The following ATP5F1A variants were observed in gnomAD, a reference collection of about 807,000 sequenced individuals.
ATP5F1A encodes the protein ATP synthase F1 subunit alpha.
A neutral mutation model predicts 57.4 loss-of-function variants in ATP5F1A; 24 were observed. That is an observed-to-expected ratio of 0.42 (90% CI 0.30 to 0.59). The LOEUF (loss-of-function observed/expected upper bound fraction) is 0.59, where lower values mean the gene tolerates loss of function less well. Among genes scored for constraint, ATP5F1A ranks in the 20% least tolerant of loss-of-function variants. The pLI is 0.19. For missense variants in ATP5F1A, 494 were observed against 707.9 expected (o/e 0.70, Z 3.43); for synonymous variants, 251 against 255.5 (o/e 0.98, Z 0.17).
intron 3 of ATP5F1A, among the ~76,000 whole-genome samples, chr18:46,090,651 T>G (rs138527413): frequency 6.6e-6 from 1 of 152,228 alleles, no homozygotes; most frequent in Non-Finnish European, 1.5e-5. Context: ...TGGAGTATCA[T>G]GGAATATCAT....
Position 46,087,478 on chromosome 18 carries a change from T to G in ATP5F1A, c.814A>C (p.Thr272Pro). 6.2e-7 allele frequency: 1 copy of G among 1,613,588 alleles called. No individual in the cohort carries two copies. The highest frequency in any genetic ancestry group is 8.5e-7 in the Non-Finnish European group (1 of 1,179,904). ...GAGGCCGTAGCCGACACCACAATGG[T>G]GTACTTCATGGCATCTGAGAAAATA... Reference protein sequence around the residue: ...RLTDADAMKYTIVVSATASDA... With the variant: ...RLTDADAMKYPIVVSATASDA... The change falls in exon 7 of 12, where the codon ACC becomes CCC. Residue 272 changes from threonine to proline, a missense_variant. By Grantham distance (38) the Thr-to-Pro change is conservative. Around this residue, in one of 6 missense-constraint regions of ATP5F1A, gnomAD observed 191 missense variants for 267.7 expected, o/e 0.71. Coordinates refer to ENST00000398752, the MANE Select transcript of ATP5F1A (RefSeq NM_004046.6).
upstream of ATP5F1A, among the ~76,000 whole-genome samples, chr18:46,098,632 C>T (rs928676022): frequency 2.0e-5 from 3 of 152,214 alleles, no homozygotes; most frequent in Admixed American, 1.3e-4. Flanking sequence ...GGGGTCGCGG[C>T]TGTCTTGAGG....
intron 1 of ATP5F1A, among the ~76,000 whole-genome samples, chr18:46,103,836 C>G (rs993968175): frequency 6.6e-6 from 1 of 151,636 alleles, no homozygotes; most frequent in Non-Finnish European, 1.5e-5. Context: ...ATCGCTTGAA[C>G]CCAGGAGGCA....
In ATP5F1A at chr18:46,080,417, A is replaced by G. The variant is rs1306244610; in HGVS notation, c.*3865T>C. On this transcript the variant is annotated 3_prime_UTR_variant, in exon 12 of 12. Transcript: ENST00000398752. Reference sequence around the variant, plus strand: ...TGCCACACAGAAGGGCCACTTGGGCAGTGTATTTAGGCCTGCCTGGTTAAA... The same window carrying G: ...TGCCACACAGAAGGGCCACTTGGGCGGTGTATTTAGGCCTGCCTGGTTAAA... The G allele has an allele frequency of 1.3e-5, 2 of 152,210 alleles. No homozygotes were observed. Among genetic ancestry groups the G allele is most frequent in the East Asian group, 3.8e-4 (2 of 5,196 alleles). 9.4% of individuals were successfully genotyped at this position (152,210 alleles called of 1,614,324 possible). A position where few individuals can be genotyped will look rare whatever the true frequency, so the allele number is the denominator to read the frequency against.
Position 46,098,003 on chromosome 18 carries a change from G to A in ATP5F1A, c.60+169C>T, listed in dbSNP as rs1050489649. 1.3e-5 allele frequency: 19 copies of A among 1,413,088 alleles called. No individual in the cohort carries two copies. The African/African-American group carries it at 2.5e-4, about 19-fold the overall frequency. 87.5% of individuals were successfully genotyped at this position (1,413,088 alleles called of 1,614,324 possible). On this transcript the variant is annotated intron_variant, in intron 1 of 11. Transcript: ENST00000398752. ...CATTCTGCCTCTGCGCAGGTGACGA[G>A]CAAAAGGGCACCTGTGTCGCCTGCT...
Position 46,087,230 on chromosome 18 carries a change from AG to A in ATP5F1A, c.953del (p.Ala318ValfsTer38). 1.2e-6 allele frequency: 2 copies of A among 1,614,218 alleles called. No individual in the cohort carries two copies. Among genetic ancestry groups the A allele is most frequent in the African/African-American group, 1.3e-5 (1 of 75,072 alleles). On this transcript the variant is annotated frameshift_variant and splice_region_variant, in exon 8 of 12. Transcript: ENST00000398752. LOFTEE classifies it high-confidence loss of function. ...ACAGAGACATCTGACGGTAAGCAAC[AG>A]CCTATGGTACAGAATAGGTTTGTGA... is the stretch of plus-strand genomic sequence containing the variant. The part of the protein sequence containing the change: ...LIIYDDLSKQ[A>X]VAYRQMSLLL...
intron 10 of ATP5F1A, chr18:46,085,800 G>A (rs1276408837): frequency 7.6e-6 from 2 of 262,028 alleles, no homozygotes; most frequent in Non-Finnish European, 1.5e-5. Flanking sequence ...GGGCGTGGTG[G>A]CTCACACCTG....
At chr18:46,085,251 T>C (rs1909994956) in intron 10 of ATP5F1A, 1 of 150,078 alleles carries the variant, frequency 6.7e-6, no homozygotes, top group South Asian at 2.1e-4. Flanking sequence ...GTAGAGGTTT[T>C]ACCATTTCTA....
rs35693676 is a variant in ATP5F1A, at chr18:46,082,079, TAAAA to T, written c.*2199_*2202del. On this transcript the variant is annotated 3_prime_UTR_variant, in exon 12 of 12. Coordinates refer to ENST00000398752, the MANE Select transcript of ATP5F1A (RefSeq NM_004046.6). ...ACAGACAAAAGCCTTTATATATCAG[TAAAA>T]AAAAAAAAAAAAAAAAGAGGCCGGG... 9.7e-4 allele frequency: 118 copies of T among 121,686 alleles called. No individual in the cohort carries two copies. The highest frequency in any genetic ancestry group is 1.4e-3 in the Admixed American group (16 of 11,446). The allele number at this position is 121,686 out of a possible 1,614,324, so 7.5% of individuals were successfully genotyped here.
chr18:46,094,186 C>CAT (rs1555696032), intron 2 of ATP5F1A, among the ~76,000 whole-genome samples: 2,065 of 151,076 alleles, frequency 0.014, 39 homozygotes, highest in African/African-American at 0.047. Flanking sequence ...CACACACACA[C>CAT]ATATACACAC....
At chr18:46,095,592 T>C (rs779804369) in intron 1 of ATP5F1A, among the ~76,000 whole-genome samples, 1 of 151,582 alleles carries the variant, frequency 6.6e-6, no homozygotes, top group Non-Finnish European at 1.5e-5. Context: ...GCTAGAACTA[T>C]AGGCGTGAGC....
At chr18:46,103,494 G>A (rs769309416) in intron 1 of ATP5F1A, among the ~76,000 whole-genome samples, 3 of 151,174 alleles carry the variant, frequency 2.0e-5, no homozygotes, top group Non-Finnish European at 4.4e-5. Context: ...CCAGCTACTC[G>A]GAAGGCTGAG....
chr18:46,098,362 A>AGGGGGGGGGGGGGGGCGG, upstream of ATP5F1A: 1 of 1,281,404 alleles, frequency 7.8e-7, no homozygotes, highest in Non-Finnish European at 1.0e-6. Context: ...CCTCGCGTTC[A>AGGGGGGGGGGGGGGGCGG]CCACCTCTCC....
upstream of ATP5F1A, among the ~76,000 whole-genome samples, chr18:46,099,682 A>T (rs571402723): frequency 1.7e-3 from 256 of 151,692 alleles, 1 homozygote; most frequent in African/African-American, 5.6e-3. Context: ...CTGGTCTCGA[A>T]CTCCTGGCTT....
Position 46,081,680 on chromosome 18 carries a change from A to AC in ATP5F1A, c.*2601_*2602insG, listed in dbSNP as rs1909753067. 5.8e-5 allele frequency: 6 copies of AC among 103,838 alleles called. No homozygotes were observed. The highest frequency in any genetic ancestry group is 2.7e-4 in the South Asian group (1 of 3,668). The allele number at this position is 103,838 out of a possible 1,614,324, so 6.4% of individuals were successfully genotyped here. A position where few individuals can be genotyped will look rare whatever the true frequency, so the allele number is the denominator to read the frequency against. On this transcript the variant is annotated 3_prime_UTR_variant, in exon 12 of 12. Transcript: ENST00000398752. ...ACTCTCAAAAAAAAAAAACAAAAAA[A>AC]AAAAAAAAAAAAAAAAACGAAATGT...
chr18:46,089,652 T>C lies in ATP5F1A; in HGVS notation c.564A>G (p.Pro188=), dbSNP rs113278662. The C allele has an allele frequency of 4.8e-3, 7,714 of 1,614,164 alleles. 209 individuals carry two copies. The Admixed American group carries it at 0.062, about 13-fold the overall frequency. Residue 188 remains proline (P), a synonymous_variant, in exon 5 of 12, where the codon CCA becomes CCG. Transcript: ENST00000398752. ...GIIPRISVRE[P]MQTGIKAVDS... Reference sequence around the variant, plus strand: ...CCACAGCCTTAATGCCAGTCTGCATTGGTTCCCGCACTGAAATTCGAGGAA... The same window carrying C: ...CCACAGCCTTAATGCCAGTCTGCATCGGTTCCCGCACTGAAATTCGAGGAA...
intron 2 of ATP5F1A, 159 bp from the exon 3 acceptor site, chr18:46,092,010 A>G (rs1224535243): frequency 2.0e-6 from 1 of 512,144 alleles, no homozygotes; most frequent in Non-Finnish European, 3.2e-6. Flanking sequence ...TGTCTCTACT[A>G]AAAATACAAA....
chr18:46,085,026 A>T, intron 10 of ATP5F1A: 1 of 160,256 alleles, frequency 6.2e-6, no homozygotes, highest in Non-Finnish European at 1.4e-5. Flanking sequence ...CAAGTGGGGG[A>T]GGGGACTCTA....
In ATP5F1A at chr18:46,081,347, A is replaced by T. The variant is rs1568240518; in HGVS notation, c.*2935T>A. 1 of 151,534 alleles carries T rather than the reference A, an allele frequency of 6.6e-6. No homozygotes were observed. The highest frequency in any genetic ancestry group is 1.5e-5 in the Non-Finnish European group (1 of 67,948). The allele number at this position is 151,534 out of a possible 1,614,324, so 9.4% of individuals were successfully genotyped here. On this transcript the variant is annotated 3_prime_UTR_variant, in exon 12 of 12. Transcript: ENST00000398752. Reference sequence around the variant, plus strand: ...CATTAGCCAAAGTATTTTTCTCCAAAGTAGTAATCACCACTGACACTAGGT... The same window carrying T: ...CATTAGCCAAAGTATTTTTCTCCAATGTAGTAATCACCACTGACACTAGGT...
Sources: allele counts gnomAD v4.1 joint callset (sites outside exome capture counted in the v4.1 genomes callset), GRCh38; gene constraint gnomAD v4.1.1; regional missense constraint gnomAD v4.1.1; transcripts MANE v1.5; gene names NCBI Gene and HGNC (gene_info 2026-07-23, HGNC 2026-07-21).